Variants in NETO1 observed in about 807,000 individuals in gnomAD.
NETO1 encodes neuropilin and tolloid like 1.
A neutral mutation model predicts 61.3 loss-of-function variants in NETO1; 26 were observed. The ratio of observed to expected loss-of-function variants is 0.42; its 90% CI spans 0.31 to 0.59. The LOEUF (loss-of-function observed/expected upper bound fraction) is 0.59. NETO1 is among the 20% of genes least tolerant of loss of function. The probability of loss-of-function intolerance (pLI) is 0.12; values close to 1 mark genes in which losing one functional copy is unlikely to be tolerated. For synonymous variants in NETO1, 225 were observed against 225.8 expected, an observed-to-expected ratio of 1.00 and a Z score of 0.03; for missense variants, 531 against 662.8, an observed-to-expected ratio of 0.80 and a Z score of 2.18.
At chr18:72,809,568 G>C (rs768053861) in intron 4 of NETO1, among the ~76,000 whole-genome samples, 1 of 152,180 alleles carries the variant, frequency 6.6e-6, no homozygotes, top group Non-Finnish European at 1.5e-5. Context: ...ATTATCCCAT[G>C]CATGTACAAT....
intron 7 of NETO1, among the ~76,000 whole-genome samples, chr18:72,772,743 A>ATCTCTCTCTC (rs1491488125): frequency 3.0e-5 from 2 of 65,750 alleles, no homozygotes; most frequent in Non-Finnish European, 5.7e-5. Context: ...ACACACACAC[A>ATCTCTCTCTC]TCTCTCTATA....
At chr18:72,860,917 T>A (rs2074553040) in intron 3 of NETO1, among the ~76,000 whole-genome samples, 1 of 152,212 alleles carries the variant, frequency 6.6e-6, no homozygotes, top group African/African-American at 2.4e-5. Context: ...TGTACCAGTT[T>A]ATTTCACAAT....
At chr18:72,858,755 A>G in intron 4 of NETO1, 71 bp downstream of exon 4, 1 of 1,404,526 alleles carries the variant, frequency 7.1e-7, no homozygotes, top group Admixed American at 2.3e-5. Context: ...GTTGTCTTAC[A>G]CAAGATTTTG....
Position 72,867,798 on chromosome 18 carries a change from G to GGCGGCGGCGCCGGCA in NETO1, c.-508_-507insTGCCGGCGCCGCCGC, listed in dbSNP as rs1336454325. ...AGCGGGCGGCGGCGGCGGCGCCGGCGGCGGCGGGGTGGCTCAGTCCCCAGT... is the reference window on the plus strand; with the variant it reads ...AGCGGGCGGCGGCGGCGGCGCCGGCGGCGGCGGCGCCGGCAGCGGCGGGGTGGCTCAGTCCCCAGT... On this transcript the variant is annotated 5_prime_UTR_variant, in exon 1 of 11. Transcript: ENST00000327305. The GGCGGCGGCGCCGGCA allele has an allele frequency of 1.9e-5, 3 of 156,612 alleles. No homozygotes were observed. In the Admixed American group the frequency reaches 2.0e-4, roughly 10 times the overall value. 9.7% of individuals were successfully genotyped at this position (156,612 alleles called of 1,614,324 possible). A position where few individuals can be genotyped will look rare whatever the true frequency, so the allele number is the denominator to read the frequency against.
Position 72,859,042 on chromosome 18 carries a change from C to CA in NETO1, c.252dup (p.Asp85Ter). The CA allele has an allele frequency of 6.2e-7, 1 of 1,613,136 alleles. No individual in the cohort carries two copies. Among genetic ancestry groups the CA allele is most frequent in the Non-Finnish European group, 8.5e-7 (1 of 1,179,582 alleles). On this transcript the variant is annotated frameshift_variant, in exon 4 of 11. Coordinates refer to ENST00000327305, the MANE Select transcript of NETO1 (RefSeq NM_138966.5). LOFTEE classifies it high-confidence loss of function. ...GACGGTTCAATAGAGTACTTTTCAT[C>CA]AAAGTAAAGTTCAATGCACTGTCTT...
intron 7 of NETO1, among the ~76,000 whole-genome samples, chr18:72,768,504 A>G (rs2071238912): frequency 6.6e-6 from 1 of 152,232 alleles, no homozygotes. Flanking sequence ...TGGCTCTCCA[A>G]GTTGTCCACA....
intron 7 of NETO1, among the ~76,000 whole-genome samples, chr18:72,766,110 C>T (rs1189565707): frequency 1.3e-5 from 2 of 151,190 alleles, no homozygotes; most frequent in African/African-American, 2.4e-5. Context: ...GGAGGCTGAG[C>T]GGGGAGAATC....
At chr18:72,778,421 G>A (rs78944652) in intron 7 of NETO1, among the ~76,000 whole-genome samples, 1 of 151,986 alleles carries the variant, frequency 6.6e-6, no homozygotes, top group Non-Finnish European at 1.5e-5. Flanking sequence ...ATTAATAATT[G>A]CATCTCTAAA....
intron 3 of NETO1, among the ~76,000 whole-genome samples, chr18:72,864,342 T>C (rs2074669915): frequency 6.6e-6 from 1 of 152,224 alleles, no homozygotes; most frequent in Admixed American, 6.5e-5. Context: ...AAGGTAACTA[T>C]CTTTCAGATT....
intron 7 of NETO1, among the ~76,000 whole-genome samples, chr18:72,780,198 T>A (rs2145215477): frequency 6.6e-6 from 1 of 152,316 alleles, no homozygotes; most frequent in East Asian, 1.9e-4. Flanking sequence ...TGTAAATTTA[T>A]GAGATGATCA....
At chr18:72,780,913 T>C (rs1412466126) in intron 7 of NETO1, among the ~76,000 whole-genome samples, 1 of 152,314 alleles carries the variant, frequency 6.6e-6, no homozygotes, top group African/African-American at 2.4e-5. Flanking sequence ...CTTTTGCATT[T>C]TGATTGGTGC....
At chr18:72,791,766 CT>C (rs2072127001) in intron 6 of NETO1, among the ~76,000 whole-genome samples, 1 of 152,258 alleles carries the variant, frequency 6.6e-6, no homozygotes, top group South Asian at 2.1e-4. Flanking sequence ...CTTTAAAAAT[CT>C]TTCATTCATA....
At chr18:72,797,469 TA>T (rs1176185838) in intron 4 of NETO1, among the ~76,000 whole-genome samples, 1 of 152,210 alleles carries the variant, frequency 6.6e-6, no homozygotes, top group East Asian at 1.9e-4. Context: ...TATTCTTTTT[TA>T]AAAACAGCCT....
chr18:72,804,047 A>T (rs2072595428), intron 4 of NETO1, among the ~76,000 whole-genome samples: 1 of 152,060 alleles, frequency 6.6e-6, no homozygotes, highest in Admixed American at 6.6e-5. Context: ...TCTTCATATT[A>T]ATTTATATTT....
chr18:72,814,124 G>A (rs1273687776), intron 4 of NETO1, among the ~76,000 whole-genome samples: 11 of 152,020 alleles, frequency 7.2e-5, no homozygotes, highest in Admixed American at 6.6e-4. Flanking sequence ...GAAGTCTCCA[G>A]TTCAAGCAGA....
chr18:72,772,171 T>C (rs1408680596), intron 7 of NETO1, among the ~76,000 whole-genome samples: 4 of 134,232 alleles, frequency 3.0e-5, no homozygotes, highest in African/African-American at 5.1e-5. Flanking sequence ...CTGTATAATA[T>C]GGCAGGCTGC....
In NETO1 at chr18:72,827,030, G is replaced by A. The variant is rs73471897; in HGVS notation, c.469+31796C>T. Among the ~76,000 whole-genome samples the A allele has an allele frequency of 4.0e-3, 607 of 151,594 alleles. 4 individuals carry two copies. The highest frequency in any genetic ancestry group is 0.014 in the African/African-American group (580 of 41,276). ...TTCTTGAAAACTACAGTGAGAAATC[G>A]GGGCAAACTGGGTCTGCCCAAGGAT... is the stretch of plus-strand genomic sequence containing the variant. On this transcript the variant is annotated intron_variant, in intron 4 of 10. Transcript: ENST00000327305.
chr18:72,851,409 C>CAAAAAA (rs1393321268), intron 4 of NETO1, among the ~76,000 whole-genome samples: 1 of 132,004 alleles, frequency 7.6e-6, no homozygotes, highest in African/African-American at 3.8e-5. Context: ...GAAACTCCCT[C>CAAAAAA]AAAACAAAAA....
chr18:72,752,750 T>C (rs187187175), intron 8 of NETO1, among the ~76,000 whole-genome samples: 42 of 152,176 alleles, frequency 2.8e-4, no homozygotes, highest in Non-Finnish European at 5.4e-4. Flanking sequence ...AAGCAAGCTA[T>C]GACTGAAGAA....
Sources: gnomAD v4.1 joint callset for allele counts (sites outside exome capture counted in the v4.1 genomes callset) on GRCh38, gnomAD v4.1.1 for gene constraint, MANE v1.5 for transcripts, NCBI Gene and HGNC (gene_info 2026-07-23, HGNC 2026-07-21) for gene names.